Variants in CRYBA4 observed in about 807,000 individuals in gnomAD.
CRYBA4 encodes the protein crystallin beta A4, also known as beta-crystallin A4.
In CRYBA4, 30 loss-of-function variants were observed where a neutral mutation model predicts 31.7. That is an observed-to-expected ratio of 0.95 (90% confidence interval 0.71 to 1.28). CRYBA4 has a LOEUF of 1.28. CRYBA4 is among the 50% of genes most tolerant of loss of function. CRYBA4 has a pLI of 0.00. For synonymous variants in CRYBA4, 102 were observed against 102.3 expected, an observed-to-expected ratio of 1.00 and a Z score of 0.02; for missense variants, 225 against 260.7, an observed-to-expected ratio of 0.86 and a Z score of 0.94.
intron 4 of CRYBA4, among the ~76,000 whole-genome samples, chr22:26,627,961 T>C (rs1929803949): frequency 6.6e-6 from 1 of 152,164 alleles, no homozygotes; most frequent in Non-Finnish European, 1.5e-5. Context: ...ACACCCTTTT[T>C]CTTAACCACA....
Position 26,630,324 on chromosome 22 carries a change from C to T in CRYBA4, c.444-16C>T, listed in dbSNP as rs747086588. On this transcript the variant is annotated splice_polypyrimidine_tract_variant and intron_variant, in intron 5 of 5. Transcript: ENST00000354760. ...GTGTCTCTGTAGAGTAACTGTCTGC[C>T]TTTTCTCTTTTCCAGCTGGGTTTGC... The T allele has an allele frequency of 3.7e-6, 6 of 1,613,936 alleles. No individual in the cohort carries two copies. Among genetic ancestry groups the T allele is most frequent in the Admixed American group, 1.7e-5 (1 of 60,012 alleles).
chr22:26,593,922 T>C, the CRYBA4 span, among the ~76,000 whole-genome samples: 3 of 152,350 alleles, frequency 2.0e-5, no homozygotes, highest in South Asian at 6.2e-4. Flanking sequence ...TTTTGGTGTT[T>C]TATTATCATT....
At chr22:26,612,046 G>T in the CRYBA4 span, 1 of 1,501,762 alleles carries the variant, frequency 6.7e-7, no homozygotes, top group Non-Finnish European at 9.3e-7. Context: ...GGCAGAGAGT[G>T]TGCCCCTCCG....
the CRYBA4 span, chr22:26,608,037 A>G: frequency 6.2e-7 from 1 of 1,614,108 alleles, no homozygotes; most frequent in South Asian, 1.1e-5. Context: ...TACAAGAAGG[A>G]CCATGAGGCA....
intron 4 of CRYBA4, among the ~76,000 whole-genome samples, chr22:26,627,705 A>G (rs914245543): frequency 1.4e-5 from 2 of 144,548 alleles, no homozygotes; most frequent in Non-Finnish European, 3.0e-5. Context: ...CTGGAGTGCA[A>G]TGCCACAATC....
At chr22:26,623,398 G>A (rs374615862) in intron 3 of CRYBA4, 46 bp downstream of exon 3, 108 of 1,466,662 alleles carry the variant, frequency 7.4e-5, no homozygotes, top group Non-Finnish European at 9.7e-5. Context: ...TGGACAGGAA[G>A]GGACCTAGAG....
chr22:26,607,758 CT>C, the CRYBA4 span: 2 of 1,250,844 alleles, frequency 1.6e-6, no homozygotes, highest in South Asian at 1.2e-5. Context: ...ATCCACGGTC[CT>C]TTGACAACTC....
At chr22:26,627,396 CTT>C (rs1419694217) in intron 4 of CRYBA4, among the ~76,000 whole-genome samples, 1 of 77,406 alleles carries the variant, frequency 1.3e-5, no homozygotes, top group Non-Finnish European at 2.1e-5. Flanking sequence ...TTCTTTCTTT[CTT>C]TCTTTCTTTC....
intron 5 of CRYBA4, among the ~76,000 whole-genome samples, chr22:26,629,734 C>CAAAA (rs66906132): frequency 1.1e-4 from 9 of 80,588 alleles, no homozygotes; most frequent in Non-Finnish European, 2.1e-4. Context: ...GACTCTGTCT[C>CAAAA]AAAAAAAAAA....
chr22:26,594,598 A>C, the CRYBA4 span, among the ~76,000 whole-genome samples: 1 of 152,084 alleles, frequency 6.6e-6, no homozygotes, highest in Non-Finnish European at 1.5e-5. Flanking sequence ...GTGCTTAGGG[A>C]CACTCCTGCT....
chr22:26,600,926 C>T, the CRYBA4 span, among the ~76,000 whole-genome samples: 3 of 152,340 alleles, frequency 2.0e-5, no homozygotes, highest in East Asian at 5.8e-4. Flanking sequence ...TGTTGGACAC[C>T]ATCTCACAGG....
the CRYBA4 span, chr22:26,607,988 C>T: frequency 6.2e-7 from 1 of 1,614,174 alleles, no homozygotes; most frequent in South Asian, 1.1e-5. Flanking sequence ...TGAACATCTC[C>T]CCGCGGAAGT....
upstream of CRYBA4, among the ~76,000 whole-genome samples, chr22:26,621,413 C>T (rs532550316): frequency 1.3e-5 from 2 of 152,352 alleles, no homozygotes; most frequent in Admixed American, 6.5e-5. Context: ...CCTTCCATCT[C>T]ACTCTGTACA....
chr22:26,623,213 C>CT (rs746964125), intron 2 of CRYBA4, 21 bp from the exon 3 acceptor site: 12,993 of 1,269,426 alleles, frequency 0.01, 2 homozygotes, highest in Non-Finnish European at 0.013. Context: ...GGATCTCCAC[C>CT]TTTTTTTTTT....
the CRYBA4 span, among the ~76,000 whole-genome samples, chr22:26,604,748 C>A: frequency 2.0e-5 from 3 of 152,164 alleles, no homozygotes; most frequent in South Asian, 6.2e-4. Context: ...CACAGGGGAC[C>A]CTTTGGGGCA....
chr22:26,612,237 CA>C, the CRYBA4 span: 2 of 1,284,718 alleles, frequency 1.6e-6, no homozygotes, highest in Non-Finnish European at 1.1e-6. Flanking sequence ...AGGGGGGAGT[CA>C]AAAATTCATT....
the CRYBA4 span, among the ~76,000 whole-genome samples, chr22:26,616,755 C>T: frequency 1.3e-5 from 2 of 152,126 alleles, no homozygotes; most frequent in African/African-American, 4.8e-5. Flanking sequence ...ATTAATTAAC[C>T]CATCTGACCA....
chr22:26,620,556 C>CTTTT (rs60318967), upstream of CRYBA4, among the ~76,000 whole-genome samples: 2 of 88,494 alleles, frequency 2.3e-5, no homozygotes, highest in Non-Finnish European at 4.3e-5. Flanking sequence ...TCATGCATTC[C>CTTTT]TTTTTTTTTT....
the CRYBA4 span, chr22:26,599,436 A>ATT: frequency 6.5e-7 from 1 of 1,541,036 alleles, no homozygotes; most frequent in Admixed American, 1.9e-5. Flanking sequence ...AAAATGGGGG[A>ATT]AATAATTGAA....
Sources: allele counts gnomAD v4.1 joint callset (sites outside exome capture counted in the v4.1 genomes callset), GRCh38; gene constraint gnomAD v4.1.1; transcripts MANE v1.5; gene names NCBI Gene and HGNC (gene_info 2026-07-23, HGNC 2026-07-21).